NEDD4L: variants seen among roughly 807,000 people sequenced by gnomAD.
NEDD4L encodes the protein E3 ubiquitin-protein ligase NEDD4-like.
Under a neutral mutation model 148.9 loss-of-function variants are expected in NEDD4L, and 54 were observed. That is an observed-to-expected ratio of 0.36 (90% CI 0.29 to 0.45). The LOEUF is 0.45. NEDD4L is among the 20% of genes least tolerant of loss of function. The pLI is 1.00. For missense variants in NEDD4L, 856 were observed against 1,233.8 expected, an observed-to-expected ratio of 0.69 and a Z score of 4.59; for synonymous variants, 433 against 440.7, an observed-to-expected ratio of 0.98 and a Z score of 0.22.
intron 9 of NEDD4L, among the ~76,000 whole-genome samples, chr18:58,328,501 G>T (rs2059509388): frequency 6.6e-6 from 1 of 152,184 alleles, no homozygotes; most frequent in Non-Finnish European, 1.5e-5. Flanking sequence ...GTTGGATCAG[G>T]TGTACTTTCC....
At position 58,089,423 on chromosome 18, in the gene NEDD4L, C is replaced by T. The variant is rs1274300918; in HGVS notation, c.48+44715C>T. The stretch of plus-strand genomic sequence containing the variant: ...GAGCTGGGATTACAGGCGTGAACCA[C>T]GATGCCTGGCCGTATTTCATAATTC... On this transcript the variant is annotated intron_variant, in intron 1 of 30. Coordinates refer to ENST00000400345, the MANE Select transcript of NEDD4L (RefSeq NM_001144967.3). Among the ~76,000 whole-genome samples, 4 of 152,122 alleles carry T rather than the reference C, an allele frequency of 2.6e-5. 1 individual carries two copies. Among genetic ancestry groups the T allele is most frequent in the African/African-American group, 4.8e-5 (2 of 41,426 alleles).
intron 1 of NEDD4L, among the ~76,000 whole-genome samples, chr18:58,051,144 G>A (rs1201922112): frequency 1.5e-4 from 23 of 152,278 alleles, no homozygotes. Flanking sequence ...TGTGGTCCTG[G>A]CTGCTGGGGA....
rs192560997 is a variant in NEDD4L at position 58,185,559 on chromosome 18, A to C, written c.122+19698A>C. Among the ~76,000 whole-genome samples, 29 of 152,340 alleles carry C rather than the reference A, an allele frequency of 1.9e-4. No homozygotes were observed. In the East Asian group the frequency reaches 4.0e-3, roughly 21 times the overall value. ...AATTAAGTGGGTACAACCTCTAGCT[A>C]TTTGGAAATATGTATAAAAATGACA... On this transcript the variant is annotated intron_variant, in intron 2 of 30. Coordinates refer to ENST00000400345, the MANE Select transcript of NEDD4L (RefSeq NM_001144967.3).
chr18:58,369,853 C>G (rs1446498850), intron 22 of NEDD4L, among the ~76,000 whole-genome samples: 1 of 152,222 alleles, frequency 6.6e-6, no homozygotes, highest in South Asian at 2.1e-4. Flanking sequence ...CGGGGCCTTC[C>G]CCATTTCCAG....
intron 24 of NEDD4L, among the ~76,000 whole-genome samples, chr18:58,373,756 C>T (rs918640467): frequency 2.0e-5 from 3 of 152,192 alleles, no homozygotes; most frequent in Non-Finnish European, 2.9e-5. Flanking sequence ...TTTGCCCCCA[C>T]GCTGTTATTC....
At chr18:58,248,188 A>C (rs191483874) in intron 3 of NEDD4L, among the ~76,000 whole-genome samples, 1 of 152,176 alleles carries the variant, frequency 6.6e-6, no homozygotes, top group Non-Finnish European at 1.5e-5. Flanking sequence ...TTCCTAGAAC[A>C]TGCTTCCTCT....
At chr18:58,226,955 G>A (rs1599915452) in intron 2 of NEDD4L, among the ~76,000 whole-genome samples, 1 of 151,964 alleles carries the variant, frequency 6.6e-6, no homozygotes, top group East Asian at 1.9e-4. Context: ...TTATATTTTT[G>A]TTAGAGTCTG....
chr18:58,095,549 G>A (rs2084344298), intron 1 of NEDD4L, among the ~76,000 whole-genome samples: 1 of 152,220 alleles, frequency 6.6e-6, no homozygotes, highest in African/African-American at 2.4e-5. Context: ...GGGCCAAAGG[G>A]CAGAGAGGCA....
chr18:58,130,258 T>G (rs1207884919), intron 1 of NEDD4L, among the ~76,000 whole-genome samples: 10 of 119,868 alleles, frequency 8.3e-5, no homozygotes, highest in South Asian at 2.9e-4. Flanking sequence ...GGCTCTGGAG[T>G]TTGGTTGTGA....
intron 1 of NEDD4L, among the ~76,000 whole-genome samples, chr18:58,111,021 C>T (rs1415341564): frequency 6.6e-6 from 1 of 152,176 alleles, no homozygotes; most frequent in Non-Finnish European, 1.5e-5. Flanking sequence ...AATTCAATTA[C>T]TTTTATTATA....
chr18:58,342,492 A>G (rs921031368), intron 15 of NEDD4L, among the ~76,000 whole-genome samples: 4 of 152,192 alleles, frequency 2.6e-5, no homozygotes, highest in Non-Finnish European at 1.5e-5. Flanking sequence ...ATGGGTAACA[A>G]CTGTGAGATT....
chr18:58,351,771 A>G (rs2043921101), intron 18 of NEDD4L, among the ~76,000 whole-genome samples: 1 of 152,198 alleles, frequency 6.6e-6, no homozygotes, highest in South Asian at 2.1e-4. Flanking sequence ...ATAGATGTAA[A>G]GTTTCAACCA....
intron 1 of NEDD4L, among the ~76,000 whole-genome samples, chr18:58,124,706 C>T (rs967521949): frequency 1.3e-5 from 2 of 152,214 alleles, no homozygotes; most frequent in African/African-American, 2.4e-5. Context: ...TGTCACTAAA[C>T]GGCACCAGCT....
Position 58,371,201 on chromosome 18 carries a change from T to A in NEDD4L, c.2256+734T>A, listed in dbSNP as rs1044722745. ...ACAGGCACACGCCACCATGCCTGGC[T>A]AATTTTTTTTTTTTTTTTTTTTTTT... On this transcript the variant is annotated intron_variant, in intron 23 of 30. Coordinates refer to ENST00000400345, the MANE Select transcript of NEDD4L (RefSeq NM_001144967.3). Among the ~76,000 whole-genome samples, 3 of 124,648 alleles carry A rather than the reference T, an allele frequency of 2.4e-5. No individual in the cohort carries two copies. The South Asian group carries it at 8.0e-4, about 33-fold the overall frequency. The allele number at this position is 124,648 out of a possible 152,430, so 81.8% of individuals were successfully genotyped here.
At chr18:58,086,906 C>A (rs1157436492) in intron 1 of NEDD4L, among the ~76,000 whole-genome samples, 1 of 152,188 alleles carries the variant, frequency 6.6e-6, no homozygotes, top group Non-Finnish European at 1.5e-5. Flanking sequence ...ACTCTGTATC[C>A]TGCCAGTAAT....
chr18:58,072,872 G>GCGCACACA lies in NEDD4L; in HGVS notation c.48+28165_48+28166insGCACACAC, dbSNP rs1555682058. 8.2e-3 allele frequency among the ~76,000 whole-genome samples: 1,072 copies of GCGCACACA among 131,470 alleles called. 12 individuals carry two copies. Among genetic ancestry groups the GCGCACACA allele is most frequent in the African/African-American group, 0.032 (1,002 of 31,166 alleles). 86.2% of individuals were successfully genotyped at this position (131,470 alleles called of 152,430 possible). ...AAAATCCTAAGGCGCGCGCGCGCGC[G>GCGCACACA]CACACACACACACACACACACACAC... On this transcript the variant is annotated intron_variant, in intron 1 of 30. Coordinates refer to ENST00000400345, the MANE Select transcript of NEDD4L (RefSeq NM_001144967.3).
chr18:58,302,018 G>A (rs1481244591), intron 5 of NEDD4L, among the ~76,000 whole-genome samples: 6 of 152,206 alleles, frequency 3.9e-5, no homozygotes, highest in African/African-American at 1.4e-4. Context: ...AGCATAGTGA[G>A]AGAATGTAAC....
intron 2 of NEDD4L, 28 bp from the exon 3 acceptor site, chr18:58,245,399 C>T (rs758673292): frequency 8.2e-6 from 9 of 1,092,300 alleles, no homozygotes; most frequent in Non-Finnish European, 1.2e-5. Context: ...AAGTATAATC[C>T]TATTAAATCT....
intron 1 of NEDD4L, among the ~76,000 whole-genome samples, chr18:58,078,186 T>C (rs1209123205): frequency 6.6e-6 from 1 of 152,172 alleles, no homozygotes; most frequent in African/African-American, 2.4e-5. Context: ...TTCCGTCAAA[T>C]ACAGATTTAT....
Sources: gnomAD v4.1 joint callset for allele counts (sites outside exome capture counted in the v4.1 genomes callset) on GRCh38, gnomAD v4.1.1 for gene constraint, MANE v1.5 for transcripts, NCBI Gene and HGNC (gene_info 2026-07-23, HGNC 2026-07-21) for gene names.